Variants in TBL1XR1 observed in about 807,000 individuals in gnomAD.
The protein encoded by TBL1XR1 is TBL1X/Y related 1, also known as F-box-like/WD repeat-containing protein TBL1XR1.
In TBL1XR1, 5 loss-of-function variants were observed where a neutral mutation model predicts 66.9. That is an observed-to-expected ratio of 0.07 (90% CI 0.04 to 0.16). The LOEUF is 0.16. Ranked by LOEUF, TBL1XR1 falls within the 10% of genes least tolerant of loss-of-function variation. The pLI, the probability that TBL1XR1 is intolerant of heterozygous loss-of-function variation, is 1.00. For missense variants in TBL1XR1, 238 were observed against 623.2 expected (o/e 0.38, Z 6.58); for synonymous variants, 210 against 206.0 (o/e 1.02, Z -0.17).
intron 1 of TBL1XR1, chr3:177,099,540 A>C (rs1205063707): frequency 6.6e-6 from 1 of 152,252 alleles, no homozygotes. Flanking sequence ...TAGCTCCTAC[A>C]CCAATTAGGT....
intron 1 of TBL1XR1, among the ~76,000 whole-genome samples, chr3:177,114,574 T>G (rs968174255): frequency 6.6e-6 from 1 of 152,028 alleles, no homozygotes; most frequent in Non-Finnish European, 1.5e-5. Flanking sequence ...GTGCTGGGAT[T>G]ACGGCATGAG....
chr3:177,150,606 T>C (rs1358059312), intron 1 of TBL1XR1, among the ~76,000 whole-genome samples: 1 of 152,228 alleles, frequency 6.6e-6, no homozygotes, highest in Non-Finnish European at 1.5e-5. Context: ...CCATGTCACA[T>C]AGTTTGATGT....
intron 5 of TBL1XR1, 134 bp downstream of exon 5, chr3:177,051,370 A>C (rs1717063909): frequency 1.4e-6 from 1 of 735,910 alleles, no homozygotes; most frequent in African/African-American, 1.8e-5. Context: ...TGGGTGATGA[A>C]ATAGTCTGTA....
At chr3:177,050,404 G>A in intron 6 of TBL1XR1, 74 bp downstream of exon 6, 1 of 1,534,680 alleles carries the variant, frequency 6.5e-7, no homozygotes. Flanking sequence ...CAGAAAACCT[G>A]AATAATGCAT....
At chr3:177,097,787 T>TG (rs1723681905) in intron 2 of TBL1XR1, among the ~76,000 whole-genome samples, 1 of 152,210 alleles carries the variant, frequency 6.6e-6, no homozygotes, top group South Asian at 2.1e-4. Context: ...ATGCCACTGT[T>TG]GCATTTTTAA....
chr3:177,114,059 C>A (rs546388472), intron 1 of TBL1XR1, among the ~76,000 whole-genome samples: 42 of 152,018 alleles, frequency 2.8e-4, no homozygotes, highest in African/African-American at 9.9e-4. Flanking sequence ...TTCAAGAGAT[C>A]AATTATACAG....
intron 1 of TBL1XR1, among the ~76,000 whole-genome samples, chr3:177,182,866 T>A (rs566344511): frequency 6.6e-5 from 10 of 152,342 alleles, no homozygotes; most frequent in African/African-American, 2.4e-4. Context: ...AAACTTCTTC[T>A]CTAATGGGAT....
chr3:177,084,143 C>T (rs1020643583), intron 2 of TBL1XR1, among the ~76,000 whole-genome samples: 16 of 150,056 alleles, frequency 1.1e-4, no homozygotes, highest in Admixed American at 8.0e-4. Context: ...CAAAATACAA[C>T]GGACATATAC....
At chr3:177,099,620 A>G (rs1015195047) in intron 1 of TBL1XR1, among the ~76,000 whole-genome samples, 1 of 152,228 alleles carries the variant, frequency 6.6e-6, no homozygotes, top group Non-Finnish European at 1.5e-5. Flanking sequence ...CTGGTGCTTC[A>G]AAACAGGGCG....
chr3:177,139,736 T>C (rs1465080450), intron 1 of TBL1XR1, among the ~76,000 whole-genome samples: 1 of 150,764 alleles, frequency 6.6e-6, no homozygotes, highest in African/African-American at 2.4e-5. Flanking sequence ...ACGTAAGACA[T>C]GCAAAAGTGG....
chr3:177,155,911 A>G (rs1018747084), intron 1 of TBL1XR1, among the ~76,000 whole-genome samples: 4 of 152,078 alleles, frequency 2.6e-5, no homozygotes, highest in Admixed American at 6.6e-5. Context: ...CGGGAGGCTG[A>G]GGCACAGGAA....
intron 1 of TBL1XR1, among the ~76,000 whole-genome samples, chr3:177,122,422 A>T (rs1254203915): frequency 6.6e-6 from 1 of 152,138 alleles, no homozygotes; most frequent in Non-Finnish European, 1.5e-5. Flanking sequence ...TTCAGCATGT[A>T]CCCTGAAAAT....
At chr3:177,056,391 T>C (rs980567277) in intron 3 of TBL1XR1, among the ~76,000 whole-genome samples, 3 of 152,236 alleles carry the variant, frequency 2.0e-5, no homozygotes, top group Non-Finnish European at 4.4e-5. Context: ...GCAGATATCC[T>C]GAATTTGTTC....
At chr3:177,150,109 C>G (rs1017653050) in intron 1 of TBL1XR1, among the ~76,000 whole-genome samples, 3 of 152,030 alleles carry the variant, frequency 2.0e-5, no homozygotes, top group African/African-American at 7.2e-5. Context: ...GAGTATCAAA[C>G]TAGAATTTAG....
intron 10 of TBL1XR1, among the ~76,000 whole-genome samples, chr3:177,038,820 C>T (rs1159576955): frequency 6.6e-6 from 1 of 152,110 alleles, no homozygotes; most frequent in East Asian, 1.9e-4. Context: ...TCGGTTCTGT[C>T]ACTGCATAAT....
At chr3:177,133,566 CAT>C (rs1212577193) in intron 1 of TBL1XR1, among the ~76,000 whole-genome samples, 3 of 152,144 alleles carry the variant, frequency 2.0e-5, no homozygotes, top group African/African-American at 4.8e-5. Context: ...AGTAACACTA[CAT>C]GTTATTCTAC....
intron 2 of TBL1XR1, among the ~76,000 whole-genome samples, chr3:177,090,796 C>A (rs564668912): frequency 6.6e-6 from 1 of 151,800 alleles, no homozygotes; most frequent in African/African-American, 2.4e-5. Flanking sequence ...GGCGACAGAG[C>A]GAGACTCCGT....
chr3:177,132,444 T>G (rs924968010), intron 1 of TBL1XR1, among the ~76,000 whole-genome samples: 7 of 152,228 alleles, frequency 4.6e-5, no homozygotes, highest in Non-Finnish European at 1.0e-4. Flanking sequence ...AGTATCGTTT[T>G]TCAGCAATAA....
chr3:177,105,561 T>G (rs1262880164), intron 1 of TBL1XR1, among the ~76,000 whole-genome samples: 1 of 152,228 alleles, frequency 6.6e-6, no homozygotes, highest in Non-Finnish European at 1.5e-5. Context: ...AGAATCTGAA[T>G]AGCTAATTAG....
Sources: allele counts gnomAD v4.1 joint callset (sites outside exome capture counted in the v4.1 genomes callset), GRCh38; gene constraint gnomAD v4.1.1; transcripts MANE v1.5; gene names NCBI Gene and HGNC (gene_info 2026-07-23, HGNC 2026-07-21).